Variants in DCC observed in about 807,000 individuals in gnomAD.
DCC encodes DCC netrin 1 receptor.
DCC carries 58 observed loss-of-function variants against 172.5 expected under a neutral mutation model. That is an observed-to-expected ratio of 0.34 (90% confidence interval 0.27 to 0.42). The LOEUF (loss-of-function observed/expected upper bound fraction) is 0.42, where lower values mean the gene tolerates loss of function less well. DCC is among the 10% of genes least tolerant of loss of function. The probability of loss-of-function intolerance (pLI) is 1.00; values close to 1 mark genes in which losing one functional copy is unlikely to be tolerated. For synonymous variants in DCC, 709 were observed against 644.5 expected, an observed-to-expected ratio of 1.10 and a Z score of -1.52; for missense variants, 1,740 against 1,791.0, an observed-to-expected ratio of 0.97 and a Z score of 0.51.
At chr18:52,366,729 A>C (rs1475272412) in intron 1 of DCC, among the ~76,000 whole-genome samples, 1 of 146,458 alleles carries the variant, frequency 6.8e-6, no homozygotes, top group Admixed American at 6.7e-5. Flanking sequence ...CGATTGGTGC[A>C]CTCACAAACC....
rs561946865 is a variant in DCC, at chr18:53,354,252, C to A, written c.2359+14345C>A. On this transcript the variant is annotated intron_variant, in intron 15 of 28. Coordinates refer to ENST00000442544, the MANE Select transcript of DCC (RefSeq NM_005215.4). ...GTGCATGTGTCTTTATAGCAGCATGCTTTATAATCCTTTGGGTATATACCC... is the reference window on the plus strand; with the variant it reads ...GTGCATGTGTCTTTATAGCAGCATGATTTATAATCCTTTGGGTATATACCC... 9.9e-5 allele frequency among the ~76,000 whole-genome samples: 15 copies of A among 152,170 alleles called. No individual in the cohort carries two copies. In the South Asian group the frequency reaches 2.5e-3, roughly 25 times the overall value.
intron 5 of DCC, among the ~76,000 whole-genome samples, chr18:52,966,288 A>G (rs1000299950): frequency 1.2e-4 from 19 of 152,216 alleles, no homozygotes; most frequent in Non-Finnish European, 1.9e-4. Flanking sequence ...AATGAGCAGC[A>G]TAAGGAGAGT....
intron 2 of DCC, among the ~76,000 whole-genome samples, chr18:52,767,896 C>T (rs1568090600): frequency 6.6e-6 from 1 of 152,078 alleles, no homozygotes; most frequent in Non-Finnish European, 1.5e-5. Flanking sequence ...ATAATGCCTC[C>T]CCAGTAAGCA....
intron 1 of DCC, among the ~76,000 whole-genome samples, chr18:52,406,891 G>T (rs569707504): frequency 4.0e-4 from 61 of 152,118 alleles, no homozygotes; most frequent in African/African-American, 1.4e-3. Flanking sequence ...ATAAACCCAT[G>T]TGTGAGTCTG....
chr18:52,617,194 A>G (rs751261941), intron 1 of DCC, among the ~76,000 whole-genome samples: 5 of 152,192 alleles, frequency 3.3e-5, no homozygotes, highest in Non-Finnish European at 7.4e-5. Context: ...CATGTATGGA[A>G]GTATCACACT....
chr18:53,138,878 A>G (rs1331191365), intron 7 of DCC, among the ~76,000 whole-genome samples: 1 of 152,218 alleles, frequency 6.6e-6, no homozygotes, highest in Non-Finnish European at 1.5e-5. Flanking sequence ...TGACAATTAT[A>G]CAATACTTAG....
intron 7 of DCC, among the ~76,000 whole-genome samples, chr18:53,117,733 G>A (rs1333116305): frequency 1.3e-5 from 2 of 151,732 alleles, no homozygotes; most frequent in East Asian, 2.0e-4. Context: ...TGCAGGCCAC[G>A]TGATCTCTGT....
At chr18:53,459,568 G>A (rs1051042428) in intron 24 of DCC, 110 bp downstream of exon 24, 3 of 754,532 alleles carry the variant, frequency 4.0e-6, no homozygotes, top group African/African-American at 3.4e-5. Flanking sequence ...GTCATTATGG[G>A]TCATTTATCA....
chr18:52,683,174 G>C lies in DCC; in HGVS notation c.92-68880G>C, dbSNP rs369560031. Among the ~76,000 whole-genome samples the C allele has an allele frequency of 5.3e-5, 8 of 152,200 alleles. No homozygotes were observed. The East Asian group carries it at 7.7e-4, about 15-fold the overall frequency. On this transcript the variant is annotated intron_variant, in intron 1 of 28. Coordinates refer to ENST00000442544, the MANE Select transcript of DCC (RefSeq NM_005215.4). Reference sequence around the variant, plus strand: ...GAGGAATGATTGCAAGTCTTTGTCTGTTTGACCTCAAGCCACTTTTCTGCT... The same window carrying C: ...GAGGAATGATTGCAAGTCTTTGTCTCTTTGACCTCAAGCCACTTTTCTGCT...
intron 7 of DCC, among the ~76,000 whole-genome samples, chr18:53,153,467 T>TGAA (rs1360049929): frequency 6.6e-6 from 1 of 152,146 alleles, no homozygotes; most frequent in Non-Finnish European, 1.5e-5. Context: ...ACACTTCAAC[T>TGAA]GAGAGCCTGT....
chr18:53,184,747 T>C lies in DCC; in HGVS notation c.1573+5631T>C, dbSNP rs78654763. Among the ~76,000 whole-genome samples the C allele has an allele frequency of 5.6e-3, 854 of 152,292 alleles. 6 individuals are homozygous for C. The highest frequency in any genetic ancestry group is 0.023 in the Admixed American group (349 of 15,290). The stretch of plus-strand genomic sequence containing the variant: ...GGACCACCTTGGTATATCTGGGCTG[T>C]TGCTGATCAAAACATTGTTATGTGA... On this transcript the variant is annotated intron_variant, in intron 9 of 28. Transcript: ENST00000442544.
At chr18:53,206,306 CAT>C (rs1263847357) in intron 10 of DCC, among the ~76,000 whole-genome samples, 4 of 108,808 alleles carry the variant, frequency 3.7e-5, no homozygotes, top group Admixed American at 1.1e-4. Flanking sequence ...TATTGTAACA[CAT>C]ATATACATAT....
chr18:53,356,476 C>T (rs569211958), intron 15 of DCC, among the ~76,000 whole-genome samples: 1 of 152,216 alleles, frequency 6.6e-6, no homozygotes, highest in African/African-American at 2.4e-5. Context: ...AATACATCAA[C>T]ACCTTTTAGG....
At chr18:53,440,813 C>T (rs1912227722) in intron 22 of DCC, among the ~76,000 whole-genome samples, 1 of 118,456 alleles carries the variant, frequency 8.4e-6, no homozygotes, top group Admixed American at 7.8e-5. Context: ...AAGTCCTAGT[C>T]TAAACCCAGA....
intron 12 of DCC, among the ~76,000 whole-genome samples, chr18:53,294,043 C>A (rs940915462): frequency 3.9e-5 from 6 of 152,188 alleles, no homozygotes; most frequent in Non-Finnish European, 8.8e-5. Flanking sequence ...TTATTAGTTT[C>A]TCCTTTTTTT....
intron 21 of DCC, among the ~76,000 whole-genome samples, chr18:53,423,131 T>C (rs1172793948): frequency 6.6e-6 from 1 of 152,176 alleles, no homozygotes; most frequent in Non-Finnish European, 1.5e-5. Flanking sequence ...TCATAGGAAT[T>C]GATGTGATTC....
intron 14 of DCC, among the ~76,000 whole-genome samples, chr18:53,339,472 A>G (rs897430597): frequency 6.6e-6 from 1 of 152,218 alleles, no homozygotes; most frequent in African/African-American, 2.4e-5. Flanking sequence ...ATAAAGATGC[A>G]TTGATGCTAC....
intron 2 of DCC, among the ~76,000 whole-genome samples, chr18:52,882,840 A>G (rs2039507199): frequency 6.6e-6 from 1 of 152,072 alleles, no homozygotes; most frequent in Non-Finnish European, 1.5e-5. Flanking sequence ...GATCCGTCCA[A>G]TGCTGAAAGT....
At chr18:52,738,169 T>G (rs2036757462) in intron 1 of DCC, among the ~76,000 whole-genome samples, 1 of 152,144 alleles carries the variant, frequency 6.6e-6, no homozygotes, top group African/African-American at 2.4e-5. Flanking sequence ...TGACAGAAAA[T>G]GTTATCAGTA....
Sources: allele counts gnomAD v4.1 joint callset (sites outside exome capture counted in the v4.1 genomes callset), GRCh38; gene constraint gnomAD v4.1.1; transcripts MANE v1.5; gene names NCBI Gene and HGNC (gene_info 2026-07-23, HGNC 2026-07-21).